Variants in SH3KBP1 observed in about 807,000 individuals in gnomAD.
SH3KBP1 encodes the protein SH3 domain-containing kinase-binding protein 1.
A neutral mutation model predicts 50.1 loss-of-function variants in SH3KBP1; 8 were observed. The ratio of observed to expected loss-of-function variants is 0.16; its 90% CI spans 0.09 to 0.29. SH3KBP1 has a LOEUF of 0.29. SH3KBP1 is among the 10% of genes least tolerant of loss of function. SH3KBP1 has a pLI of 1.00. For synonymous variants in SH3KBP1, 227 were observed against 218.6 expected (o/e 1.04, Z -0.34); for missense variants, 377 against 535.2 (o/e 0.70, Z 2.92).
intron 12 of SH3KBP1, among the ~76,000 whole-genome samples, chrX:19,574,079 C>T (rs915121058): frequency 9.0e-6 from 1 of 111,278 alleles, no homozygotes; most frequent in Non-Finnish European, 1.9e-5. Flanking sequence ...TCATCATCTC[C>T]TTTGACTCCA....
At chrX:19,548,363 G>C (rs2065142257) in intron 14 of SH3KBP1, among the ~76,000 whole-genome samples, 1 of 111,493 alleles carries the variant, frequency 9.0e-6, no homozygotes, top group Non-Finnish European at 1.9e-5. Flanking sequence ...GATTTACAGA[G>C]AAGATAGAGG....
intron 2 of SH3KBP1, among the ~76,000 whole-genome samples, chrX:19,770,796 C>T (rs2065768370): frequency 9.1e-6 from 1 of 109,683 alleles, no homozygotes; most frequent in Non-Finnish European, 1.9e-5. Flanking sequence ...CCCTAATGAT[C>T]AACGATATTG....
intron 7 of SH3KBP1, among the ~76,000 whole-genome samples, chrX:19,640,850 A>G (rs1186458555): frequency 1.8e-5 from 2 of 111,734 alleles, no homozygotes; most frequent in African/African-American, 6.5e-5. Flanking sequence ...GTAACTTTGT[A>G]GCTTCACTTC....
At chrX:19,671,384 A>T (rs1303274914) in intron 6 of SH3KBP1, among the ~76,000 whole-genome samples, 1 of 110,007 alleles carries the variant, frequency 9.1e-6, no homozygotes, top group African/African-American at 3.3e-5. Context: ...ACACACACAC[A>T]CACACACACA....
chrX:19,737,150 G>A (rs2064611546), intron 3 of SH3KBP1, among the ~76,000 whole-genome samples: 1 of 111,003 alleles, frequency 9.0e-6, no homozygotes, highest in African/African-American at 3.3e-5. Context: ...GGGCTTAAGA[G>A]ATCCTCCAGC....
At chrX:19,618,385 CAAAAA>C (rs1169013925) in intron 8 of SH3KBP1, among the ~76,000 whole-genome samples, 4 of 18,207 alleles carry the variant, frequency 2.2e-4, no homozygotes, top group Admixed American at 6.7e-4. Context: ...GACTCTGTCT[CAAAAA>C]AAAAAAAAAA....
intron 2 of SH3KBP1, among the ~76,000 whole-genome samples, chrX:19,834,454 T>G (rs2068002745): frequency 8.9e-6 from 1 of 112,069 alleles, no homozygotes; most frequent in Non-Finnish European, 1.9e-5. Flanking sequence ...AATCCATTCT[T>G]CTCCAGTATG....
intron 8 of SH3KBP1, among the ~76,000 whole-genome samples, chrX:19,621,241 A>T (rs867595521): frequency 6.2e-5 from 4 of 64,581 alleles, no homozygotes; most frequent in African/African-American, 1.2e-4. Context: ...CACCTGGCTA[A>T]TTTTTTTTTT....
At chrX:19,666,359 G>A (rs1467607300) in intron 6 of SH3KBP1, among the ~76,000 whole-genome samples, 3 of 110,956 alleles carry the variant, frequency 2.7e-5, no homozygotes, top group Admixed American at 9.6e-5. Context: ...CAGGTAAGCG[G>A]ATGGGGCAAC....
At chrX:19,831,275 T>C (rs777863506) in intron 2 of SH3KBP1, among the ~76,000 whole-genome samples, 4 of 108,135 alleles carry the variant, frequency 3.7e-5, no homozygotes, top group East Asian at 2.9e-4. Flanking sequence ...AAATTAGCCA[T>C]GTGTGGTGGT....
At chrX:19,596,649 T>A (rs180959015) in intron 9 of SH3KBP1, among the ~76,000 whole-genome samples, 1 of 112,193 alleles carries the variant, frequency 8.9e-6, no homozygotes, top group African/African-American at 3.2e-5. Context: ...TCCTCTCAAA[T>A]CCCGCCACTG....
chrX:19,578,054 C>T (rs2066257663), intron 12 of SH3KBP1, among the ~76,000 whole-genome samples: 1 of 112,199 alleles, frequency 8.9e-6, no homozygotes, highest in African/African-American at 3.2e-5. Flanking sequence ...CTCTATTGTT[C>T]ATCACTTTTC....
chrX:19,661,311 A>C (rs1407223238), intron 6 of SH3KBP1, among the ~76,000 whole-genome samples: 2 of 112,196 alleles, frequency 1.8e-5, no homozygotes, highest in East Asian at 5.6e-4. Flanking sequence ...TAGAGCCTTA[A>C]AACTGAGCAT....
intron 2 of SH3KBP1, among the ~76,000 whole-genome samples, chrX:19,802,475 G>A (rs1157545487): frequency 1.8e-5 from 2 of 111,184 alleles, no homozygotes; most frequent in Non-Finnish European, 3.8e-5. Flanking sequence ...GTGACGGTGC[G>A]GCATACCCCT....
intron 3 of SH3KBP1, among the ~76,000 whole-genome samples, chrX:19,735,230 A>T (rs974271354): frequency 6.3e-5 from 7 of 111,230 alleles, no homozygotes; most frequent in Non-Finnish European, 1.1e-4. Flanking sequence ...AGGTTTATCA[A>T]GTTTGTTGAT....
intron 1 of SH3KBP1, among the ~76,000 whole-genome samples, chrX:19,874,068 A>ATT (rs1556423469): frequency 8.8e-5 from 5 of 57,045 alleles, no homozygotes; most frequent in Non-Finnish European, 1.4e-4. Flanking sequence ...AAAAAAAAAA[A>ATT]ATATATATAT....
chrX:19,585,078 A>C (rs1279189785), intron 12 of SH3KBP1, among the ~76,000 whole-genome samples: 2 of 112,495 alleles, frequency 1.8e-5, no homozygotes, highest in Non-Finnish European at 3.8e-5. Context: ...TGTTCAATGT[A>C]ATCGCTTAGC....
intron 2 of SH3KBP1, among the ~76,000 whole-genome samples, chrX:19,820,493 T>C (rs1270394483): frequency 1.8e-5 from 2 of 111,849 alleles, no homozygotes; most frequent in Admixed American, 1.9e-4. Flanking sequence ...TGCTCTCTGG[T>C]CTACCCTATC....
intron 1 of SH3KBP1, among the ~76,000 whole-genome samples, chrX:19,837,726 C>A (rs2068097540): frequency 9.0e-6 from 1 of 110,752 alleles, no homozygotes; most frequent in South Asian, 3.7e-4. Flanking sequence ...CAGGCATGAG[C>A]CACCGTGCCC....
Sources: allele counts gnomAD v4.1 joint callset (sites outside exome capture counted in the v4.1 genomes callset), GRCh38; gene constraint gnomAD v4.1.1; transcripts MANE v1.5; gene names NCBI Gene and HGNC (gene_info 2026-07-23, HGNC 2026-07-21).